The following PPARGC1A variants were observed in gnomAD, a reference collection of about 807,000 sequenced individuals.
PPARGC1A encodes the protein PPARG coactivator 1 alpha.
In PPARGC1A, 25 loss-of-function variants were observed where a neutral mutation model predicts 88.7. The observed-to-expected ratio is 0.28, with a 90% CI of 0.21 to 0.39. The LOEUF (loss-of-function observed/expected upper bound fraction) is 0.39, where lower values mean the gene tolerates loss of function less well. Among genes scored for constraint, PPARGC1A ranks in the 10% least tolerant of loss-of-function variants. PPARGC1A has a pLI of 1.00. For synonymous variants in PPARGC1A, 363 were observed against 355.6 expected, an observed-to-expected ratio of 1.02 and a Z score of -0.24; for missense variants, 880 against 968.7, an observed-to-expected ratio of 0.91 and a Z score of 1.22.
At chr4:24,307,682 G>A in the PPARGC1A span, among the ~76,000 whole-genome samples, 2 of 152,318 alleles carry the variant, frequency 1.3e-5, no homozygotes, top group South Asian at 4.1e-4. Context: ...AAGAAGAAAA[G>A]GAAGTCTTGA....
chr4:24,311,056 C>T, the PPARGC1A span, among the ~76,000 whole-genome samples: 14 of 144,630 alleles, frequency 9.7e-5, no homozygotes, highest in Admixed American at 5.6e-4. Context: ...TTAAGATATA[C>T]GACATAGAAT....
chr4:24,103,448 C>T, the PPARGC1A span, among the ~76,000 whole-genome samples: 282 of 152,152 alleles, frequency 1.9e-3, no homozygotes, highest in Non-Finnish European at 3.2e-3. Context: ...CAGAAAAGCA[C>T]GAAAGAGCAC....
the PPARGC1A span, among the ~76,000 whole-genome samples, chr4:24,254,498 C>T: frequency 6.6e-6 from 1 of 152,176 alleles, no homozygotes; most frequent in Non-Finnish European, 1.5e-5. Context: ...GCACCAGGGA[C>T]ACTTTTAGCA....
At chr4:24,170,505 G>C in the PPARGC1A span, among the ~76,000 whole-genome samples, 1 of 152,136 alleles carries the variant, frequency 6.6e-6, no homozygotes, top group African/African-American at 2.4e-5. Context: ...GGCAGGGAGG[G>C]GGCCTAACTA....
the PPARGC1A span, among the ~76,000 whole-genome samples, chr4:24,044,673 TA>T: frequency 1.2e-4 from 18 of 152,254 alleles, no homozygotes; most frequent in East Asian, 3.1e-3. Flanking sequence ...TTCTGAGCCA[TA>T]AGAGCACTGG....
Position 23,795,719 on chromosome 4 carries a change from G to T in PPARGC1A, c.*103C>A. 1.2e-6 allele frequency: 1 copy of T among 814,218 alleles called. No individual in the cohort carries two copies. Among genetic ancestry groups the T allele is most frequent in the Non-Finnish European group, 1.9e-6 (1 of 515,436 alleles). 50.4% of individuals were successfully genotyped at this position (814,218 alleles called of 1,614,324 possible). On this transcript the variant is annotated 3_prime_UTR_variant, in exon 13 of 13. Coordinates refer to ENST00000264867, the MANE Select transcript of PPARGC1A (RefSeq NM_013261.5). ...TTTGTTTTTGTACAGAGAGTGTAAA[G>T]TAGGAGAAATTCCTAAGTATGACTT...
the PPARGC1A span, among the ~76,000 whole-genome samples, chr4:24,226,500 G>C: frequency 2.6e-5 from 4 of 152,228 alleles, no homozygotes; most frequent in Non-Finnish European, 5.9e-5. Flanking sequence ...TTCTCTGTCT[G>C]CTCTTGCCTG....
chr4:24,037,755 A>G, the PPARGC1A span, among the ~76,000 whole-genome samples: 8 of 152,156 alleles, frequency 5.3e-5, no homozygotes, highest in African/African-American at 1.9e-4. Context: ...TGTATCCATG[A>G]CATGCTGTGT....
chr4:24,218,958 A>G, the PPARGC1A span, among the ~76,000 whole-genome samples: 2,511 of 152,354 alleles, frequency 0.016, 84 homozygotes, highest in African/African-American at 0.057. Flanking sequence ...ATGCACATTC[A>G]TAAGGTCAAT....
the PPARGC1A span, among the ~76,000 whole-genome samples, chr4:24,202,797 T>C: frequency 6.6e-6 from 1 of 152,128 alleles, no homozygotes; most frequent in Admixed American, 6.5e-5. Context: ...AGCGAGGTCA[T>C]TACCTGGCAA....
the PPARGC1A span, among the ~76,000 whole-genome samples, chr4:24,326,536 C>G: frequency 1.3e-5 from 2 of 152,148 alleles, no homozygotes; most frequent in Non-Finnish European, 2.9e-5. Context: ...ACCCTGACAC[C>G]CATCAGGCTC....
At chr4:24,079,553 T>A in the PPARGC1A span, among the ~76,000 whole-genome samples, 366 of 152,194 alleles carry the variant, frequency 2.4e-3, 2 homozygotes, top group African/African-American at 8.6e-3. Flanking sequence ...CCAATTTTTT[T>A]AATCTAATAC....
At chr4:23,956,496 G>A in the PPARGC1A span, among the ~76,000 whole-genome samples, 1 of 151,922 alleles carries the variant, frequency 6.6e-6, no homozygotes, top group South Asian at 2.1e-4. Flanking sequence ...TCTGAGCTTG[G>A]AGCCTTAGAG....
the PPARGC1A span, among the ~76,000 whole-genome samples, chr4:24,081,834 G>A: frequency 1.3e-5 from 2 of 151,708 alleles, no homozygotes; most frequent in South Asian, 4.2e-4. Context: ...ACAGGATTGT[G>A]TTTCTGACCT....
the PPARGC1A span, among the ~76,000 whole-genome samples, chr4:23,947,266 A>G: frequency 3.3e-5 from 5 of 150,996 alleles, no homozygotes; most frequent in Admixed American, 6.6e-5. Flanking sequence ...GCCAAGCACT[A>G]TAGTAAGTGC....
the PPARGC1A span, among the ~76,000 whole-genome samples, chr4:23,967,738 C>T: frequency 0.062 from 9,497 of 152,144 alleles, 348 homozygotes; most frequent in East Asian, 0.15. Flanking sequence ...CCTCCATCCT[C>T]CTTTCTTTTG....
the PPARGC1A span, among the ~76,000 whole-genome samples, chr4:24,353,177 T>C: frequency 6.7e-6 from 1 of 149,880 alleles, no homozygotes; most frequent in Non-Finnish European, 1.5e-5. Flanking sequence ...CAAGTGACCC[T>C]TTTAAATAAT....
In PPARGC1A at chr4:23,814,619, T is replaced by TAA. The variant is rs11290186; in HGVS notation, c.878-16_878-15dup. 429 of 1,180,400 alleles carry TAA rather than the reference T, an allele frequency of 3.6e-4. No homozygotes were observed. Among genetic ancestry groups the TAA allele is most frequent in the East Asian group, 1.0e-3 (37 of 36,422 alleles). The allele number at this position is 1,180,400 out of a possible 1,614,324, so 73.1% of individuals were successfully genotyped here. ...GTGGAGTTAGGCCTAAGGCAAAAATTAAAAAAAAAAAAAAAAAGAGAGAGA... is the reference window on the plus strand; with the variant it reads ...GTGGAGTTAGGCCTAAGGCAAAAATTAAAAAAAAAAAAAAAAAAAGAGAGAGA... On this transcript the variant is annotated splice_polypyrimidine_tract_variant and intron_variant, in intron 7 of 12. Coordinates refer to ENST00000264867, the MANE Select transcript of PPARGC1A (RefSeq NM_013261.5).
At chr4:24,173,885 C>T in the PPARGC1A span, among the ~76,000 whole-genome samples, 3 of 152,238 alleles carry the variant, frequency 2.0e-5, no homozygotes, top group South Asian at 6.2e-4. Context: ...GATAACTCCA[C>T]ACCATCTGAT....
Sources: gnomAD v4.1 joint callset for allele counts (sites outside exome capture counted in the v4.1 genomes callset) on GRCh38, gnomAD v4.1.1 for gene constraint, MANE v1.5 for transcripts, NCBI Gene and HGNC (gene_info 2026-07-23, HGNC 2026-07-21) for gene names.